Variants in ITPA observed in about 807,000 individuals in gnomAD.
The protein encoded by ITPA is inosine triphosphate pyrophosphatase.
ITPA carries 29 observed loss-of-function variants against 29.6 expected under a neutral mutation model. The ratio of observed to expected loss-of-function variants is 0.98; its 90% CI spans 0.73 to 1.34. The LOEUF (loss-of-function observed/expected upper bound fraction) is 1.34, where lower values mean the gene tolerates loss of function less well. ITPA is among the 40% of genes most tolerant of loss of function. The probability of loss-of-function intolerance (pLI) is 0.00; values close to 1 mark genes in which losing one functional copy is unlikely to be tolerated. For synonymous variants in ITPA, 103 were observed against 99.3 expected (o/e 1.04, Z -0.22); for missense variants, 241 against 251.5 (o/e 0.96, Z 0.28).
At chr20:3,213,135 A>T in intron 1 of ITPA, 34 bp from the exon 2 acceptor site, 1 of 1,586,186 alleles carries the variant, frequency 6.3e-7, no homozygotes, top group South Asian at 1.1e-5. Flanking sequence ...GAATCACTAG[A>T]TGGTGATAAG....
chr20:3,211,758 G>T (rs1387809875), intron 1 of ITPA, among the ~76,000 whole-genome samples: 3 of 152,208 alleles, frequency 2.0e-5, no homozygotes, highest in Admixed American at 1.3e-4. Flanking sequence ...CTCCCGAAGT[G>T]TTAGATTACA....
chr20:3,226,603 C>T (rs949744226), downstream of ITPA, among the ~76,000 whole-genome samples: 2 of 152,228 alleles, frequency 1.3e-5, no homozygotes, highest in African/African-American at 2.4e-5. The surrounding 1 kb of genome is among the most constrained non-coding windows in gnomAD (Gnocchi z 4.4). Context: ...CCCCTGTTCA[C>T]GGCCTCTGCC....
At position 3,213,245 on chromosome 20, in the gene ITPA, T is replaced by C; in HGVS notation, c.124+19T>C. The C allele has an allele frequency of 6.2e-7, 1 of 1,614,218 alleles. No homozygotes were observed. The highest frequency in any genetic ancestry group is 8.5e-7 in the Non-Finnish European group (1 of 1,180,030). On this transcript the variant is annotated intron_variant, in intron 2 of 7. Transcript: ENST00000380113. ...ATTGACCGTATGTCTCTGTTTTGTT[T>C]TATTTTTAAAAGATGGTTGGATTTC...
At position 3,217,924 on chromosome 20, in the gene ITPA, T is replaced by TTTTTTC. The variant is rs1555774482; in HGVS notation, c.296-589_296-588insTCTTTT. On this transcript the variant is annotated intron_variant, in intron 5 of 7. Coordinates refer to ENST00000380113, the MANE Select transcript of ITPA (RefSeq NM_033453.4). Reference sequence around the variant, plus strand: ...TTTGTGGGTTTTTTTTTGTTTTTGTTTTTTCTTTCCTGAGATGGAGTCTCG... The same window carrying TTTTTTC: ...TTTGTGGGTTTTTTTTTGTTTTTGTTTTTTTCTTTTCTTTCCTGAGATGGAGTCTCG... Among the ~76,000 whole-genome samples the TTTTTTC allele has an allele frequency of 4.5e-4, 66 of 146,812 alleles. 1 individual carries two copies. Among genetic ancestry groups the TTTTTTC allele is most frequent in the East Asian group, 3.3e-3 (16 of 4,860 alleles).
downstream of ITPA, among the ~76,000 whole-genome samples, chr20:3,226,050 A>G (rs925288876): frequency 1.3e-5 from 2 of 152,228 alleles, no homozygotes; most frequent in South Asian, 2.1e-4. This position sits in a 1 kb window ranked among gnomAD's most constrained non-coding sequence, Gnocchi z 4.4. Flanking sequence ...CCTGCTAAAT[A>G]TAAGTAAATG....
upstream of ITPA, chr20:3,209,403 C>G: frequency 1.3e-6 from 1 of 775,712 alleles, no homozygotes. This position sits in a 1 kb window ranked among gnomAD's most constrained non-coding sequence, Gnocchi z 4.6. Context: ...CGAGCCCACT[C>G]GCCCGATACG....
chr20:3,215,399 G>T (rs1315331980), intron 5 of ITPA, 87 bp downstream of exon 5: 2 of 1,255,754 alleles, frequency 1.6e-6, no homozygotes, highest in Non-Finnish European at 2.3e-6. Flanking sequence ...TAGTAATCAG[G>T]AGTCCCAGGT....
In ITPA at chr20:3,221,832, CTGT is replaced by C; in HGVS notation, c.412-8_412-6del. On this transcript the variant is annotated splice_polypyrimidine_tract_variant and splice_region_variant and intron_variant, in intron 6 of 7. Coordinates refer to ENST00000380113, the MANE Select transcript of ITPA (RefSeq NM_033453.4). ...CAGTTACACACCTGTCCCCCCTTTCCTGTGGCAGGGCCGGATCGTGGCACCCAG... is the reference window on the plus strand; with the variant it reads ...CAGTTACACACCTGTCCCCCCTTTCCGGCAGGGCCGGATCGTGGCACCCAG... The C allele has an allele frequency of 6.2e-7, 1 of 1,614,120 alleles. No homozygotes were observed. Among genetic ancestry groups the C allele is most frequent in the Non-Finnish European group, 8.5e-7 (1 of 1,179,950 alleles).
chr20:3,204,581 C>G, upstream of ITPA: 5 of 1,580,458 alleles, frequency 3.2e-6, no homozygotes, highest in Admixed American at 1.8e-5. Context: ...GAGGATAAAG[C>G]CGACTAGCAG....
chr20:3,220,786 G>A (rs2067443693), intron 6 of ITPA, among the ~76,000 whole-genome samples: 1 of 151,880 alleles, frequency 6.6e-6, no homozygotes, highest in East Asian at 1.9e-4. Context: ...GAACTCCTGG[G>A]TTTAAACCAT....
Position 3,221,939 on chromosome 20 carries a change from C to A in ITPA, c.488+22C>A, listed in dbSNP as rs757683183. The A allele has an allele frequency of 3.1e-6, 5 of 1,609,686 alleles. No individual in the cohort carries two copies. In the Admixed American group the frequency reaches 8.3e-5, roughly 27 times the overall value. The stretch of plus-strand genomic sequence containing the variant: ...AGACGTAAGGAGCCCTGCTTTTCTT[C>A]CCTGGGGTGTGGGGTTGGTACAGCC... On this transcript the variant is annotated intron_variant, in intron 7 of 7. Coordinates refer to ENST00000380113, the MANE Select transcript of ITPA (RefSeq NM_033453.4).
chr20:3,209,710 A>C lies in ITPA; in HGVS notation c.66+93A>C. 9.8e-7 allele frequency: 1 copy of C among 1,018,324 alleles called. No individual in the cohort carries two copies. The highest frequency in any genetic ancestry group is 1.5e-6 in the Non-Finnish European group (1 of 659,308). 63.1% of individuals were successfully genotyped at this position (1,018,324 alleles called of 1,614,324 possible). On this transcript the variant is annotated intron_variant, in intron 1 of 7. Transcript: ENST00000380113. The surrounding 1 kb of genome is among the most constrained non-coding windows in gnomAD (Gnocchi z 4.6). ...AGGAGGGAAGCACGTGGGAGGAGGCATGGAGAGAGAACAGAATTCAGCCCG... is the reference window on the plus strand; with the variant it reads ...AGGAGGGAAGCACGTGGGAGGAGGCCTGGAGAGAGAACAGAATTCAGCCCG...
At chr20:3,216,722 G>A (rs2067309951) in intron 5 of ITPA, among the ~76,000 whole-genome samples, 1 of 152,072 alleles carries the variant, frequency 6.6e-6, no homozygotes. Flanking sequence ...AAAGTGCTGG[G>A]TTTACAGGCG....
intron 4 of ITPA, 195 bp from the exon 5 acceptor site, chr20:3,215,086 C>T (rs1221018093): frequency 3.3e-6 from 2 of 603,342 alleles, no homozygotes. Flanking sequence ...AAGCTTTTCT[C>T]AAACTCCTGA....
upstream of ITPA, chr20:3,209,290 G>A: frequency 1.8e-6 from 1 of 550,190 alleles, no homozygotes; most frequent in Non-Finnish European, 3.3e-6. This position sits in a 1 kb window ranked among gnomAD's most constrained non-coding sequence, Gnocchi z 4.6. Context: ...GGTCTCTTCC[G>A]GTTCTTGAAG....
At chr20:3,217,759 G>A (rs986886260) in intron 5 of ITPA, among the ~76,000 whole-genome samples, 4 of 151,866 alleles carry the variant, frequency 2.6e-5, no homozygotes, top group Non-Finnish European at 2.9e-5. Flanking sequence ...ATGAGCCACC[G>A]AGTGCAGCCA....
intron 1 of ITPA, among the ~76,000 whole-genome samples, chr20:3,212,227 A>G (rs952768176): frequency 2.0e-5 from 3 of 152,328 alleles, no homozygotes; most frequent in Admixed American, 6.5e-5. Context: ...GTGAAGTACA[A>G]TTATCAAAAT....
chr20:3,206,055 CAA>C (rs537649838), upstream of ITPA, among the ~76,000 whole-genome samples: 54 of 58,838 alleles, frequency 9.2e-4, 1 homozygote, highest in African/African-American at 2.3e-3. Context: ...GACTCTGTCT[CAA>C]AAAAAAAAAA....
At chr20:3,218,783 A>T (rs1229040806) in intron 6 of ITPA, 151 bp downstream of exon 6, 6 of 697,882 alleles carry the variant, frequency 8.6e-6, no homozygotes, top group Admixed American at 8.1e-5. Flanking sequence ...CCTGCGCAGC[A>T]TAGGTAGAAG....
Sources: allele counts gnomAD v4.1 joint callset (sites outside exome capture counted in the v4.1 genomes callset), GRCh38; gene constraint gnomAD v4.1.1; non-coding constraint Gnocchi (gnomAD v3.1); transcripts MANE v1.5; gene names NCBI Gene and HGNC (gene_info 2026-07-23, HGNC 2026-07-21).